The following COBL variants were observed in gnomAD, a reference collection of about 807,000 sequenced individuals.
COBL encodes protein cordon-bleu.
Under a neutral mutation model 98.8 loss-of-function variants are expected in COBL, and 51 were observed. That is an observed-to-expected ratio of 0.52 (90% CI 0.41 to 0.65). COBL has a LOEUF of 0.65. Among genes scored for constraint, COBL ranks in the 30% least tolerant of loss-of-function variants. The pLI is 0.00. For missense variants in COBL, 1,617 were observed against 1,617.5 expected, an observed-to-expected ratio of 1.00 and a Z score of 0.01; for synonymous variants, 634 against 651.7, an observed-to-expected ratio of 0.97 and a Z score of 0.41.
In COBL at chr7:51,028,040, G is replaced by A. The variant is rs749362981; in HGVS notation, c.3056C>T (p.Thr1019Ile). The change falls in exon 10 of 13, where the codon ACA becomes ATA. Residue 1019 changes from threonine (T) to isoleucine (I), a missense_variant. Coordinates refer to ENST00000265136, the MANE Select transcript of COBL (RefSeq NM_015198.5). ...AGATGTGTGTGGAGGGGGTGGGTCT[G>A]TACCATCAGGTGCGCGTCTGGGCTC... ...ASEPRRAPDG[T>I]DPPPPHTSDT... is the part of the protein sequence containing the mutation. 47 of 1,608,402 alleles carry A rather than the reference G, an allele frequency of 2.9e-5. No homozygotes were observed. In the Admixed American group the frequency reaches 7.5e-4, roughly 26 times the overall value.
At chr7:51,273,885 C>T (rs1339740404) in intron 1 of COBL, among the ~76,000 whole-genome samples, 1 of 152,136 alleles carries the variant, frequency 6.6e-6, no homozygotes, top group Non-Finnish European at 1.5e-5. Context: ...GAAGTGTCAT[C>T]GAACCGCCAC....
In COBL at chr7:51,085,262, G is replaced by T. The variant is rs760035728; in HGVS notation, c.1000C>A (p.Arg334=). 6.2e-7 allele frequency: 1 copy of T among 1,612,768 alleles called. No homozygotes were observed. Among genetic ancestry groups the T allele is most frequent in the Non-Finnish European group, 8.5e-7 (1 of 1,179,724 alleles). ...TGTGGTGGAGGGGGAGCTGGCGCTC[G>T]CCGCTTCTTCTTCTGTAAATCAATC... ...SQIDLQKKKR[R]APAPPPPQPP... The change falls in exon 7 of 13, where the codon CGA becomes AGA. Residue 334 remains arginine, a synonymous_variant. Coordinates refer to ENST00000265136, the MANE Select transcript of COBL (RefSeq NM_015198.5).
chr7:51,306,959 C>A (rs968958735), intron 1 of COBL, among the ~76,000 whole-genome samples: 1 of 152,168 alleles, frequency 6.6e-6, no homozygotes, highest in Non-Finnish European at 1.5e-5. Context: ...AAATGAGCTC[C>A]GTGCTTCAAT....
At chr7:51,232,700 A>T (rs911683790) in intron 1 of COBL, among the ~76,000 whole-genome samples, 3 of 152,100 alleles carry the variant, frequency 2.0e-5, no homozygotes, top group African/African-American at 7.2e-5. Context: ...AGTCCCAGAC[A>T]CTTGGGAGGC....
intron 7 of COBL, among the ~76,000 whole-genome samples, chr7:51,068,857 C>T (rs73695211): frequency 0.034 from 5,176 of 152,206 alleles, 266 homozygotes; most frequent in African/African-American, 0.12. Context: ...AGAAGCTAAA[C>T]GTCTCAATTT....
rs192986869 is a variant in COBL at position 51,089,576 on chromosome 7, T to A, written c.958-4272A>T. Among the ~76,000 whole-genome samples the A allele has an allele frequency of 2.6e-4, 39 of 152,306 alleles. No homozygotes were observed. The East Asian group carries it at 7.5e-3, about 29-fold the overall frequency. ...AGTGTCTACTGAAAACTGTCATCAG[T>A]GGCCATTGCTTCTCTCGTCTTTGTC... On this transcript the variant is annotated intron_variant, in intron 6 of 12. Coordinates refer to ENST00000265136, the MANE Select transcript of COBL (RefSeq NM_015198.5).
At chr7:51,135,015 T>A (rs964672546) in intron 6 of COBL, among the ~76,000 whole-genome samples, 3 of 152,136 alleles carry the variant, frequency 2.0e-5, no homozygotes, top group Non-Finnish European at 4.4e-5. Context: ...CAGGCTAGAG[T>A]GCAGTGGCGT....
rs1786409576 is a variant in COBL at position 51,017,699 on chromosome 7, T to C, written c.3769-131A>G. On this transcript the variant is annotated intron_variant, in intron 12 of 12. Transcript: ENST00000265136. ...CCTGGAACCCCCTTCCCAGTTCCTT[T>C]GACCTGCAGAAAGGAGGCTGTGATC... 5.4e-6 allele frequency: 5 copies of C among 932,908 alleles called. No individual in the cohort carries two copies. The East Asian group carries it at 1.2e-4, about 23-fold the overall frequency. 57.8% of individuals were successfully genotyped at this position (932,908 alleles called of 1,614,324 possible). A position where few individuals can be genotyped will look rare whatever the true frequency, so the allele number is the denominator to read the frequency against.
At chr7:51,076,392 C>T (rs750975875) in intron 7 of COBL, among the ~76,000 whole-genome samples, 34 of 152,282 alleles carry the variant, frequency 2.2e-4, no homozygotes, top group African/African-American at 7.2e-4. Context: ...GGCTGTTCAC[C>T]GAGCCAGCAG....
At chr7:51,102,628 C>A (rs1474578644) in intron 6 of COBL, among the ~76,000 whole-genome samples, 2 of 152,190 alleles carry the variant, frequency 1.3e-5, no homozygotes, top group Non-Finnish European at 2.9e-5. Context: ...GAAGACACTC[C>A]TTAAGGTCTC....
At chr7:51,069,021 C>A (rs560178423) in intron 7 of COBL, among the ~76,000 whole-genome samples, 1 of 152,154 alleles carries the variant, frequency 6.6e-6, no homozygotes, top group Non-Finnish European at 1.5e-5. Context: ...TCGGCCTGAT[C>A]GCACCCAATC....
intron 1 of COBL, among the ~76,000 whole-genome samples, chr7:51,247,919 CT>C (rs1796392754): frequency 1.3e-5 from 2 of 152,190 alleles, no homozygotes; most frequent in African/African-American, 4.8e-5. Flanking sequence ...TGGTGGATCA[CT>C]TGAGGTCAGG....
At chr7:51,024,961 T>C in intron 12 of COBL, 148 bp downstream of exon 12, 3 of 1,080,358 alleles carry the variant, frequency 2.8e-6, no homozygotes, top group Non-Finnish European at 4.1e-6. Flanking sequence ...TCAGCACATG[T>C]GAGAGACACA....
chr7:51,259,907 G>C (rs1461303545), intron 1 of COBL: 1 of 755,118 alleles, frequency 1.3e-6, no homozygotes, highest in Non-Finnish European at 2.4e-6. Context: ...TACAATAAAG[G>C]CCAAGGAATG....
rs570103781 is a variant in COBL, at chr7:51,156,141, C to T, written c.784-19810G>A. 1.9e-5 allele frequency: 19 copies of T among 980,786 alleles called. No homozygotes were observed. In the South Asian group the frequency reaches 3.3e-4, roughly 17 times the overall value. The allele number at this position is 980,786 out of a possible 1,614,324, so 60.8% of individuals were successfully genotyped here. ...GAAAACAAATATCAAAGACAGTCCA[C>T]TTAGGATATATCACTAAATGTTGAT... On this transcript the variant is annotated intron_variant, in intron 5 of 12. Coordinates refer to ENST00000265136, the MANE Select transcript of COBL (RefSeq NM_015198.5).
At chr7:51,045,582 G>A (rs546443746) in intron 7 of COBL, among the ~76,000 whole-genome samples, 2 of 152,266 alleles carry the variant, frequency 1.3e-5, no homozygotes, top group Admixed American at 6.5e-5. Context: ...AGGGATTATC[G>A]CTGAGGCGCA....
chr7:51,025,238 G>C lies in COBL; in HGVS notation c.3639C>G (p.Pro1213=). The change falls in exon 12 of 13, where the codon CCC becomes CCG. Residue 1213 remains proline, a synonymous_variant. Coordinates refer to ENST00000265136, the MANE Select transcript of COBL (RefSeq NM_015198.5). ...PPAIPPPPPP[P]SQALSAPRTA... is the part of the protein sequence containing the mutation. ...TCCTTGGTGCAGAGAGAGCCTGGGA[G>C]GGTGGAGGGGGTGGTGGGGGAATGG... 3 of 1,608,956 alleles carry C rather than the reference G, an allele frequency of 1.9e-6. No homozygotes were observed. In the South Asian group the frequency reaches 3.3e-5, roughly 18 times the overall value.
intron 1 of COBL, among the ~76,000 whole-genome samples, chr7:51,282,539 A>G (rs530835320): frequency 1.3e-5 from 2 of 152,204 alleles, no homozygotes; most frequent in East Asian, 3.9e-4. Context: ...AAACTTCAAT[A>G]CACCTGACAA....
chr7:51,224,140 G>A (rs1243554074), intron 1 of COBL, among the ~76,000 whole-genome samples: 1 of 152,192 alleles, frequency 6.6e-6, no homozygotes, highest in Non-Finnish European at 1.5e-5. Context: ...TAGGTGTGTA[G>A]TAGGCTCTAC....
Sources: allele counts gnomAD v4.1 joint callset (sites outside exome capture counted in the v4.1 genomes callset), GRCh38; gene constraint gnomAD v4.1.1; transcripts MANE v1.5; gene names NCBI Gene and HGNC (gene_info 2026-07-23, HGNC 2026-07-21).